The following TASP1 variants were observed in gnomAD, a reference collection of about 807,000 sequenced individuals.
TASP1 encodes taspase 1, also known as threonine aspartase 1.
TASP1 carries 16 observed loss-of-function variants against 56.6 expected under a neutral mutation model. The ratio of observed to expected loss-of-function variants is 0.28; its 90% CI spans 0.19 to 0.43. The LOEUF (loss-of-function observed/expected upper bound fraction) is 0.43, where lower values mean the gene tolerates loss of function less well. TASP1 is among the 20% of genes least tolerant of loss of function. The pLI is 1.00. For synonymous variants in TASP1, 179 were observed against 184.2 expected, an observed-to-expected ratio of 0.97 and a Z score of 0.23; for missense variants, 393 against 511.6, an observed-to-expected ratio of 0.77 and a Z score of 2.24.
intron 11 of TASP1, among the ~76,000 whole-genome samples, chr20:13,481,449 G>A (rs919378360): frequency 2.0e-5 from 3 of 152,100 alleles, no homozygotes; most frequent in Non-Finnish European, 2.9e-5. Flanking sequence ...CAGTGGGATT[G>A]CTGGATCACA....
intron 11 of TASP1, among the ~76,000 whole-genome samples, chr20:13,457,210 TG>T (rs1368644279): frequency 6.6e-5 from 10 of 152,104 alleles, no homozygotes; most frequent in Middle Eastern, 3.2e-3. Flanking sequence ...ACATGGCACA[TG>T]TATACCTGTG....
chr20:13,561,507 A>G (rs6134911), intron 7 of TASP1, among the ~76,000 whole-genome samples: 24,743 of 152,108 alleles, frequency 0.16, 2,348 homozygotes, highest in Middle Eastern at 0.23. Context: ...CGGGGATTAC[A>G]GGCACGTGCC....
intron 13 of TASP1, chr20:13,393,386 C>A: frequency 1.3e-6 from 1 of 745,056 alleles, no homozygotes. Flanking sequence ...TCCCCATTGC[C>A]AATGTGTCAG....
At chr20:13,582,500 C>G (rs889642090) in intron 5 of TASP1, among the ~76,000 whole-genome samples, 1 of 151,818 alleles carries the variant, frequency 6.6e-6, no homozygotes. Flanking sequence ...GACTCTTAAT[C>G]AGAAAAATAA....
At chr20:13,308,476 A>G in the TASP1 span, among the ~76,000 whole-genome samples, 2 of 152,148 alleles carry the variant, frequency 1.3e-5, no homozygotes, top group African/African-American at 2.4e-5. Flanking sequence ...TACTTTGCCT[A>G]TATCTAGTAA....
chr20:13,421,167 C>T (rs1417544970), intron 12 of TASP1, among the ~76,000 whole-genome samples: 3 of 138,704 alleles, frequency 2.2e-5, no homozygotes, highest in Non-Finnish European at 4.5e-5. Flanking sequence ...GGCTGGAGTG[C>T]GGTGGCACAA....
At chr20:13,283,613 G>A in the TASP1 span, among the ~76,000 whole-genome samples, 3 of 152,318 alleles carry the variant, frequency 2.0e-5, no homozygotes, top group Non-Finnish European at 2.9e-5. Context: ...CTCAACTGTG[G>A]AAAGTATGTG....
chr20:13,300,220 T>A, the TASP1 span: 1 of 152,070 alleles, frequency 6.6e-6, no homozygotes, highest in Non-Finnish European at 1.5e-5. Flanking sequence ...CCCAAAACAG[T>A]AGAATTTCTG....
the TASP1 span, among the ~76,000 whole-genome samples, chr20:13,308,817 C>G: frequency 6.6e-6 from 1 of 152,120 alleles, no homozygotes; most frequent in Admixed American, 6.6e-5. Flanking sequence ...GTTATTAGGT[C>G]ATGAGGGTGG....
chr20:13,350,521 A>G, the TASP1 span, among the ~76,000 whole-genome samples: 33 of 152,214 alleles, frequency 2.2e-4, no homozygotes, highest in African/African-American at 7.0e-4. Context: ...GAGAACCATC[A>G]CAATTTAAAA....
intron 7 of TASP1, among the ~76,000 whole-genome samples, chr20:13,564,382 G>A (rs2046444218): frequency 6.6e-6 from 1 of 152,022 alleles, no homozygotes; most frequent in Non-Finnish European, 1.5e-5. Flanking sequence ...TAAAATCAAG[G>A]AGGCAAAATA....
the TASP1 span, chr20:13,165,835 A>T: frequency 6.6e-6 from 1 of 152,222 alleles, no homozygotes. Flanking sequence ...GCAAATTCTG[A>T]CTTTTTCAAG....
the TASP1 span, among the ~76,000 whole-genome samples, chr20:13,221,200 C>G: frequency 8.4e-4 from 124 of 146,950 alleles, no homozygotes; most frequent in African/African-American, 2.9e-3. Flanking sequence ...TAACTCCCGG[C>G]CGCAGCTGAA....
chr20:13,202,190 T>A, the TASP1 span, among the ~76,000 whole-genome samples: 1 of 152,206 alleles, frequency 6.6e-6, no homozygotes, highest in Non-Finnish European at 1.5e-5. Flanking sequence ...GGAGCCCTGA[T>A]TGGTAACATT....
the TASP1 span, chr20:13,270,390 G>A: frequency 8.2e-7 from 1 of 1,220,192 alleles, no homozygotes; most frequent in South Asian, 1.5e-5. Flanking sequence ...TGCCCTACTG[G>A]CTTAATTTCA....
the TASP1 span, chr20:13,270,633 A>G: frequency 2.5e-6 from 4 of 1,613,866 alleles, no homozygotes; most frequent in African/African-American, 1.3e-5. Context: ...CCGACAAGAG[A>G]CGGGGCACCC....
downstream of TASP1, among the ~76,000 whole-genome samples, chr20:13,386,348 G>A (rs1444785900): frequency 6.6e-6 from 1 of 151,838 alleles, no homozygotes; most frequent in Admixed American, 6.6e-5. Context: ...GAGTCTGTAG[G>A]GTGTTTATTA....
intron 13 of TASP1, among the ~76,000 whole-genome samples, chr20:13,405,431 C>T (rs2041879541): frequency 6.6e-6 from 1 of 152,182 alleles, no homozygotes; most frequent in African/African-American, 2.4e-5. Flanking sequence ...TATAATTTCT[C>T]ATTTTAGAAA....
intron 4 of TASP1, among the ~76,000 whole-genome samples, chr20:13,605,567 C>A (rs2048117882): frequency 6.6e-6 from 1 of 151,998 alleles, no homozygotes; most frequent in Non-Finnish European, 1.5e-5. Context: ...GTAGTCCCAG[C>A]TGCTCGGGAG....
Sources: gnomAD v4.1 joint callset for allele counts (sites outside exome capture counted in the v4.1 genomes callset) on GRCh38, gnomAD v4.1.1 for gene constraint, MANE v1.5 for transcripts, NCBI Gene and HGNC (gene_info 2026-07-23, HGNC 2026-07-21) for gene names.